Variants in SMYD2 observed in about 807,000 individuals in gnomAD.
SMYD2 encodes the protein N-lysine methyltransferase SMYD2.
SMYD2 carries 53 observed loss-of-function variants against 59.1 expected under a neutral mutation model. The ratio of observed to expected loss-of-function variants is 0.90; its 90% CI spans 0.72 to 1.13. SMYD2 has a LOEUF of 1.13. Among genes scored for constraint, SMYD2 ranks in the 50% most tolerant of loss-of-function variants. SMYD2 has a pLI of 0.00. For missense variants in SMYD2, 494 were observed against 544.7 expected, an observed-to-expected ratio of 0.91 and a Z score of 0.93; for synonymous variants, 208 against 198.8, an observed-to-expected ratio of 1.05 and a Z score of -0.39.
intron 8 of SMYD2, 32 bp downstream of exon 8, chr1:214,330,310 T>A: frequency 6.3e-6 from 9 of 1,422,866 alleles, no homozygotes; most frequent in Non-Finnish European, 7.9e-6. Flanking sequence ...GAGCGCTGAC[T>A]GCACTCTGAT....
intron 1 of SMYD2, among the ~76,000 whole-genome samples, chr1:214,301,084 G>T (rs1383059011): frequency 6.6e-6 from 1 of 152,136 alleles, no homozygotes; most frequent in Admixed American, 6.5e-5. Flanking sequence ...ACTGAGAATA[G>T]TGTTTTTGTT....
rs1657447271 is a variant in SMYD2 at position 214,336,788 on chromosome 1, T to C, written c.*4T>C. ...ACAGGAAATTGAAAGCCACTGAAAC[T>C]ATGCAGCATTTCAGTTTTCATTTAA... On this transcript the variant is annotated 3_prime_UTR_variant, in exon 12 of 12. Transcript: ENST00000366957. 1 of 1,611,040 alleles carries C rather than the reference T, an allele frequency of 6.2e-7. No homozygotes were observed. The highest frequency in any genetic ancestry group is 2.2e-5 in the East Asian group (1 of 44,846).
intron 8 of SMYD2, among the ~76,000 whole-genome samples, 158 bp downstream of exon 8, chr1:214,330,436 C>A (rs1657333572): frequency 6.6e-6 from 1 of 152,192 alleles, no homozygotes. Flanking sequence ...TAGACCAGGT[C>A]TCTGTTCAGA....
intron 1 of SMYD2, among the ~76,000 whole-genome samples, chr1:214,292,331 A>G (rs927462803): frequency 3.9e-5 from 6 of 152,122 alleles, no homozygotes; most frequent in South Asian, 2.1e-4. Flanking sequence ...ATGCACACAC[A>G]TATATGCACC....
chr1:214,319,827 T>C (rs1657141917), intron 5 of SMYD2, among the ~76,000 whole-genome samples: 2 of 152,232 alleles, frequency 1.3e-5, no homozygotes, highest in African/African-American at 4.8e-5. Flanking sequence ...TTCTGCTCCA[T>C]GGGAGCAAGA....
At chr1:214,336,217 C>CA (rs1334314899) in intron 11 of SMYD2, among the ~76,000 whole-genome samples, 5 of 151,976 alleles carry the variant, frequency 3.3e-5, no homozygotes, top group Non-Finnish European at 7.4e-5. Flanking sequence ...AGTTAGCTAC[C>CA]AGATGGTCTT....
At chr1:214,300,543 A>G (rs1656805013) in intron 1 of SMYD2, among the ~76,000 whole-genome samples, 1 of 152,180 alleles carries the variant, frequency 6.6e-6, no homozygotes, top group South Asian at 2.1e-4. Context: ...TTAATGGGAT[A>G]CCACTGGAGC....
At position 214,286,060 on chromosome 1, in the gene SMYD2, G is replaced by A. The variant is rs117221430; in HGVS notation, c.173+4633G>A. ...GCATGACCTTATTTCAGTAGAAACC[G>A]CAAAGCAGGGACTTTGTGGCAGGTG... On this transcript the variant is annotated intron_variant, in intron 1 of 11. Transcript: ENST00000366957. Among the ~76,000 whole-genome samples, 21 of 152,308 alleles carry A rather than the reference G, an allele frequency of 1.4e-4. No individual in the cohort carries two copies. The East Asian group carries it at 3.5e-3, about 25-fold the overall frequency.
intron 1 of SMYD2, among the ~76,000 whole-genome samples, chr1:214,287,512 G>A (rs1392573953): frequency 4.6e-5 from 7 of 150,998 alleles, no homozygotes; most frequent in Non-Finnish European, 8.8e-5. Flanking sequence ...GCTTGAACCC[G>A]GGAGGTGGAG....
At chr1:214,327,540 G>A in intron 6 of SMYD2, 82 bp from the exon 7 acceptor site, 1 of 1,119,200 alleles carries the variant, frequency 8.9e-7, no homozygotes, top group East Asian at 2.4e-5. Flanking sequence ...CAGTTCCTCT[G>A]ACTTAGCAAG....
At chr1:214,305,515 G>C (rs1476475529) in intron 2 of SMYD2, among the ~76,000 whole-genome samples, 1 of 152,192 alleles carries the variant, frequency 6.6e-6, no homozygotes, top group Non-Finnish European at 1.5e-5. Flanking sequence ...TCTGCCCCAA[G>C]GACTGCAGCC....
At chr1:214,297,611 T>C (rs1656755677) in intron 1 of SMYD2, among the ~76,000 whole-genome samples, 1 of 152,256 alleles carries the variant, frequency 6.6e-6, no homozygotes, top group South Asian at 2.1e-4. Context: ...CTCAGCAAGT[T>C]TTAGTTTGAA....
At chr1:214,302,232 A>G (rs1456518573) in intron 1 of SMYD2, among the ~76,000 whole-genome samples, 1 of 151,814 alleles carries the variant, frequency 6.6e-6, no homozygotes, top group East Asian at 1.9e-4. Context: ...CCAGCTACTC[A>G]GGAGGCTGAG....
intron 10 of SMYD2, 149 bp from the exon 11 acceptor site, chr1:214,334,051 C>T (rs992105313): frequency 4.9e-6 from 3 of 609,244 alleles, no homozygotes; most frequent in East Asian, 2.6e-5. Flanking sequence ...CATCCACGCT[C>T]TCCACCCAAA....
intron 5 of SMYD2, among the ~76,000 whole-genome samples, chr1:214,320,964 A>T (rs1483934077): frequency 6.6e-6 from 1 of 152,166 alleles, no homozygotes; most frequent in Non-Finnish European, 1.5e-5. Context: ...TGAATACATA[A>T]TTTTTTCTGG....
At chr1:214,323,859 G>C (rs1657211270) in intron 5 of SMYD2, among the ~76,000 whole-genome samples, 1 of 152,222 alleles carries the variant, frequency 6.6e-6, no homozygotes, top group Non-Finnish European at 1.5e-5. Context: ...AACAGAGAGA[G>C]GGATAGCAGT....
At position 214,281,240 on chromosome 1, in the gene SMYD2, C is replaced by G; in HGVS notation, c.-15C>G. On this transcript the variant is annotated 5_prime_UTR_variant, in exon 1 of 12. Coordinates refer to ENST00000366957, the MANE Select transcript of SMYD2 (RefSeq NM_020197.3). Reference sequence around the variant, plus strand: ...GCAGCTCGGGCACAGCCGGCGGCCGCGCCCCGCCGCCACCATGAGGGCCGA... The same window carrying G: ...GCAGCTCGGGCACAGCCGGCGGCCGGGCCCCGCCGCCACCATGAGGGCCGA... 8.1e-7 allele frequency: 1 copy of G among 1,231,784 alleles called. No homozygotes were observed. The highest frequency in any genetic ancestry group is 1.0e-6 in the Non-Finnish European group (1 of 981,618). 76.3% of individuals were successfully genotyped at this position (1,231,784 alleles called of 1,614,324 possible). A position where few individuals can be genotyped will look rare whatever the true frequency, so the allele number is the denominator to read the frequency against.
intron 11 of SMYD2, among the ~76,000 whole-genome samples, chr1:214,336,400 T>C (rs868771853): frequency 6.6e-6 from 1 of 151,836 alleles, no homozygotes; most frequent in Admixed American, 6.6e-5. Flanking sequence ...GGCATGGTGG[T>C]GGGCGCCTGT....
chr1:214,303,840 G>A (rs1256339690), intron 1 of SMYD2, among the ~76,000 whole-genome samples: 2 of 152,242 alleles, frequency 1.3e-5, no homozygotes, highest in Non-Finnish European at 2.9e-5. Flanking sequence ...GAGGGGGGAC[G>A]AGGTGGCACA....
Sources: gnomAD v4.1 joint callset for allele counts (sites outside exome capture counted in the v4.1 genomes callset) on GRCh38, gnomAD v4.1.1 for gene constraint, MANE v1.5 for transcripts, NCBI Gene and HGNC (gene_info 2026-07-23, HGNC 2026-07-21) for gene names.